ASIC2: variants seen among roughly 807,000 people sequenced by gnomAD.
The protein encoded by ASIC2 is acid sensing ion channel subunit 2, also known as acid-sensing ion channel 2.
A neutral mutation model predicts 57.3 loss-of-function variants in ASIC2; 25 were observed. The ratio of observed to expected loss-of-function variants is 0.44; its 90% CI spans 0.32 to 0.61. The LOEUF (loss-of-function observed/expected upper bound fraction) is 0.61. ASIC2 is among the 20% of genes least tolerant of loss of function. ASIC2 has a pLI of 0.06. For missense variants in ASIC2, 641 were observed against 738.1 expected (o/e 0.87, Z 1.52); for synonymous variants, 319 against 307.5 (o/e 1.04, Z -0.39).
intron 1 of ASIC2, among the ~76,000 whole-genome samples, chr17:33,360,649 G>A (rs924080698): frequency 6.6e-6 from 1 of 152,172 alleles, no homozygotes; most frequent in African/African-American, 2.4e-5. Context: ...TTCTTAAACG[G>A]AACTTTTAGC....
In ASIC2 at chr17:33,292,196, G is replaced by A. The variant is rs1363624208; in HGVS notation, c.-81C>T. 8 of 1,008,012 alleles carry A rather than the reference G, an allele frequency of 7.9e-6. No individual in the cohort carries two copies. In the East Asian group the frequency reaches 6.1e-4, roughly 77 times the overall value. 62.4% of individuals were successfully genotyped at this position (1,008,012 alleles called of 1,614,324 possible). On this transcript the variant is annotated 5_prime_UTR_variant, in exon 1 of 10. Transcript: ENST00000225823. ...ATGGGAGTCCGCAGCAGCAGTGGAAGCAGCAGCAGCGGCAGCCGCGCGCAG... is the reference window on the plus strand; with the variant it reads ...ATGGGAGTCCGCAGCAGCAGTGGAAACAGCAGCAGCGGCAGCCGCGCGCAG...
intron 1 of ASIC2, among the ~76,000 whole-genome samples, chr17:33,272,949 T>C (rs958394725): frequency 8.5e-5 from 13 of 152,188 alleles, no homozygotes; most frequent in African/African-American, 3.1e-4. Flanking sequence ...TTGACTGAAC[T>C]GCCTCTCTCC....
intron 1 of ASIC2, among the ~76,000 whole-genome samples, chr17:34,072,897 GT>G (rs1175742363): frequency 6.6e-6 from 1 of 152,056 alleles, no homozygotes; most frequent in Non-Finnish European, 1.5e-5. Flanking sequence ...TTTAAGAAAT[GT>G]TTTTTTAACT....
intron 1 of ASIC2, among the ~76,000 whole-genome samples, chr17:33,998,531 T>G (rs1327804932): frequency 6.6e-6 from 1 of 152,150 alleles, no homozygotes; most frequent in Non-Finnish European, 1.5e-5. Context: ...CTTAGAGCAG[T>G]GTTTTTCTGT....
chr17:33,187,903 AT>A (rs1906260393), intron 1 of ASIC2, among the ~76,000 whole-genome samples: 2 of 143,056 alleles, frequency 1.4e-5, no homozygotes, highest in African/African-American at 5.5e-5. Flanking sequence ...ATGGTCAGGG[AT>A]GAAAAAAAAA....
chr17:34,036,680 G>GGTTTT (rs1567796362), intron 1 of ASIC2: 1 of 100,528 alleles, frequency 9.9e-6, no homozygotes. Context: ...CTTTGAATTT[G>GGTTTT]TTTTTTTTTT....
intron 1 of ASIC2, among the ~76,000 whole-genome samples, chr17:33,177,536 C>A (rs899648711): frequency 6.6e-6 from 1 of 152,068 alleles, no homozygotes; most frequent in African/African-American, 2.4e-5. Flanking sequence ...GGTGGGTGCC[C>A]CAGCTTCATT....
At chr17:33,583,341 CT>C (rs1167984309) in intron 1 of ASIC2, among the ~76,000 whole-genome samples, 1 of 152,198 alleles carries the variant, frequency 6.6e-6, no homozygotes, top group Non-Finnish European at 1.5e-5. Context: ...CCTGCCTAAG[CT>C]CATGTTGGCA....
At chr17:33,035,816 A>C (rs1422622809) in intron 3 of ASIC2, among the ~76,000 whole-genome samples, 1 of 152,130 alleles carries the variant, frequency 6.6e-6, no homozygotes, top group Non-Finnish European at 1.5e-5. Context: ...TTCAACCTAG[A>C]TTTGTGTAAA....
At chr17:33,474,653 C>T (rs1406333209) in intron 1 of ASIC2, among the ~76,000 whole-genome samples, 4 of 152,110 alleles carry the variant, frequency 2.6e-5, no homozygotes, top group African/African-American at 7.2e-5. Context: ...CCCTTTCTTC[C>T]CTCTGACATT....
chr17:33,564,785 T>G (rs1199405317), intron 1 of ASIC2, among the ~76,000 whole-genome samples: 1 of 151,800 alleles, frequency 6.6e-6, no homozygotes. Context: ...TTTATGGGAA[T>G]GGGGGCAAGG....
chr17:33,944,191 A>G lies in ASIC2; in HGVS notation c.555+211787T>C, dbSNP rs143321457. 4.9e-4 allele frequency among the ~76,000 whole-genome samples: 75 copies of G among 152,356 alleles called. 1 individual carries two copies. The highest frequency in any genetic ancestry group is 1.8e-3 in the African/African-American group (75 of 41,572). On this transcript the variant is annotated intron_variant, in intron 1 of 9. Transcript: ENST00000359872. ...TATTGACCACTTCCACTCAATGCCT[A>G]CATTTAAGATTGTTTATTTTCCTTG...
At chr17:33,347,213 G>A (rs1287663746) in intron 1 of ASIC2, among the ~76,000 whole-genome samples, 2 of 152,172 alleles carry the variant, frequency 1.3e-5, no homozygotes, top group African/African-American at 2.4e-5. Flanking sequence ...ATAGAGACAC[G>A]AGGAAAGGCA....
intron 1 of ASIC2, among the ~76,000 whole-genome samples, chr17:33,759,142 A>G (rs1418778924): frequency 6.6e-6 from 1 of 152,216 alleles, no homozygotes; most frequent in Non-Finnish European, 1.5e-5. Context: ...ATGGACAGTA[A>G]AGACCATTCA....
Position 33,028,309 on chromosome 17 carries a change from G to C in ASIC2, c.1071C>G (p.Ala357=). The C allele has an allele frequency of 6.2e-7, 1 of 1,614,190 alleles. No individual in the cohort carries two copies. The highest frequency in any genetic ancestry group is 8.5e-7 in the Non-Finnish European group (1 of 1,180,050). The change falls in exon 4 of 10, where the codon GCC becomes GCG. Residue 357 remains alanine, a synonymous_variant. Transcript: ENST00000225823. Reference sequence around the variant, plus strand: ...AGCGGGTCTCACAGTCAATCCTACAGGCGGTGATGCTGTAAACAGGAAAAA... The same window carrying C: ...AGCGGGTCTCACAGTCAATCCTACACGCGGTGATGCTGTAAACAGGAAAAA... ...LDFFPVYSIT[A]CRIDCETRYI...
intron 1 of ASIC2, among the ~76,000 whole-genome samples, chr17:33,371,457 A>G (rs541641758): frequency 6.6e-6 from 1 of 152,358 alleles, no homozygotes; most frequent in South Asian, 2.1e-4. Flanking sequence ...CTGAAAAACT[A>G]CAACAAAAAA....
At chr17:33,856,498 T>TAGCAG (rs879858851) in intron 1 of ASIC2, among the ~76,000 whole-genome samples, 1 of 16,932 alleles carries the variant, frequency 5.9e-5, no homozygotes, top group African/African-American at 1.5e-4. Context: ...AGTAATAGTG[T>TAGCAG]TGTCAGTAGT....
Position 33,070,839 on chromosome 17 carries a change from TATTTTGCTTAATTTTTGGAGGC to T in ASIC2, c.987+18002_987+18023del, listed in dbSNP as rs367572883. Among the ~76,000 whole-genome samples, 654 of 152,276 alleles carry T rather than the reference TATTTTGCTTAATTTTTGGAGGC, an allele frequency of 4.3e-3. 3 individuals are homozygous for T. The highest frequency in any genetic ancestry group is 5.8e-3 in the Non-Finnish European group (395 of 68,014). ...CTGCTTTTATATGTCTGAGAAGACT[TATTTTGCTTAATTTTTGGAGGC>T]ATTTTTACTAGATATAGATTTTTAG... is the stretch of plus-strand genomic sequence containing the variant. On this transcript the variant is annotated intron_variant, in intron 3 of 9. Coordinates refer to ENST00000225823, the MANE Select transcript of ASIC2 (RefSeq NM_183377.2).
Position 33,707,758 on chromosome 17 carries a change from C to T in ASIC2, c.555+448220G>A, listed in dbSNP as rs553209026. On this transcript the variant is annotated intron_variant, in intron 1 of 9. Coordinates refer to the ASIC2 transcript ENST00000359872. ...ACTGTTTTAATATCTGGTATCTTTT[C>T]GCATTTAAAAGTGAAGCATTGCAGA... Among the ~76,000 whole-genome samples the T allele has an allele frequency of 5.9e-5, 9 of 152,238 alleles. No homozygotes were observed. In the South Asian group the frequency reaches 6.2e-4, roughly 11 times the overall value.
Sources: gnomAD v4.1 joint callset for allele counts (sites outside exome capture counted in the v4.1 genomes callset) on GRCh38, gnomAD v4.1.1 for gene constraint, MANE v1.5 for transcripts, NCBI Gene and HGNC (gene_info 2026-07-23, HGNC 2026-07-21) for gene names.